The following TLL1 variants were observed in gnomAD, a reference collection of about 807,000 sequenced individuals.
TLL1 encodes tolloid-like protein 1.
TLL1 carries 49 observed loss-of-function variants against 128.2 expected under a neutral mutation model. The ratio of observed to expected loss-of-function variants is 0.38; its 90% CI spans 0.30 to 0.48. TLL1 has a LOEUF of 0.48. Ranked by LOEUF, TLL1 falls within the 20% of genes least tolerant of loss-of-function variation. The pLI, the probability that TLL1 is intolerant of heterozygous loss-of-function variation, is 0.96. For missense variants in TLL1, 1,123 were observed against 1,242.0 expected (o/e 0.90, Z 1.44); for synonymous variants, 454 against 418.8 (o/e 1.08, Z -1.03).
intron 1 of TLL1, among the ~76,000 whole-genome samples, chr4:165,966,083 G>A (rs1034483644): frequency 6.6e-6 from 1 of 151,668 alleles, no homozygotes; most frequent in South Asian, 2.1e-4. Context: ...GGAGGCTGAG[G>A]CAGAGAACTG....
At position 166,060,116 on chromosome 4, in the gene TLL1, G is replaced by A; in HGVS notation, c.1935G>A (p.Val645=). Residue 645 remains valine, a synonymous_variant, in exon 15 of 21, where the codon GTG becomes GTA. Coordinates refer to ENST00000061240, the MANE Select transcript of TLL1 (RefSeq NM_012464.5). ...PKEYPPNKNC[V]WQVVAPTQYR... Reference sequence around the variant, plus strand: ...AGTACCCTCCTAATAAGAACTGTGTGTGGCAAGTGGTTGCACCAACCCAGT... The same window carrying A: ...AGTACCCTCCTAATAAGAACTGTGTATGGCAAGTGGTTGCACCAACCCAGT... 2 of 1,613,862 alleles carry A rather than the reference G, an allele frequency of 1.2e-6. No homozygotes were observed. Among genetic ancestry groups the A allele is most frequent in the Non-Finnish European group, 1.7e-6 (2 of 1,179,900 alleles).
intron 12 of TLL1, among the ~76,000 whole-genome samples, chr4:166,054,536 G>C (rs1027821351): frequency 1.3e-5 from 2 of 151,074 alleles, no homozygotes; most frequent in Non-Finnish European, 2.9e-5. Flanking sequence ...TCTAGCATTA[G>C]GTATATCTCC....
intron 7 of TLL1, among the ~76,000 whole-genome samples, chr4:166,008,908 T>A (rs532094772): frequency 2.1e-4 from 32 of 151,580 alleles, no homozygotes; most frequent in Admixed American, 1.2e-3. Flanking sequence ...AAGCTGCTTT[T>A]ATAAAACTTT....
At chr4:166,073,664 A>G (rs1318979973) in intron 16 of TLL1, among the ~76,000 whole-genome samples, 6 of 152,192 alleles carry the variant, frequency 3.9e-5, no homozygotes, top group Admixed American at 6.6e-5. Flanking sequence ...ATGCATTCAT[A>G]TCACCTGTAA....
chr4:165,986,255 TATAA>T (rs1736389778), intron 1 of TLL1, among the ~76,000 whole-genome samples: 1 of 152,076 alleles, frequency 6.6e-6, no homozygotes, highest in Non-Finnish European at 1.5e-5. Flanking sequence ...TACATATGAG[TATAA>T]ATTGTCATGG....
intron 18 of TLL1, among the ~76,000 whole-genome samples, chr4:166,083,818 T>C (rs983451483): frequency 6.6e-6 from 1 of 152,192 alleles, no homozygotes; most frequent in Non-Finnish European, 1.5e-5. Flanking sequence ...TTCCGTATCT[T>C]GGCTATTGTG....
chr4:165,886,121 G>A (rs1731154861), intron 1 of TLL1, among the ~76,000 whole-genome samples: 1 of 152,034 alleles, frequency 6.6e-6, no homozygotes, highest in Non-Finnish European at 1.5e-5. Flanking sequence ...ATAATAGTAA[G>A]AAGGAAGTCC....
At position 166,055,164 on chromosome 4, in the gene TLL1, G is replaced by A. The variant is rs777181814; in HGVS notation, c.1613G>A (p.Gly538Asp). ...AGCCCTTTGATAGGGCGTTTCTGTGGTTATGACAAACCTGAAGACATAAGA... is the reference window on the plus strand; with the variant it reads ...AGCCCTTTGATAGGGCGTTTCTGTGATTATGACAAACCTGAAGACATAAGA... ...ENSPLIGRFC[G>D]YDKPEDIRST... The change falls in exon 13 of 21, where the codon GGT becomes GAT. Residue 538 changes from glycine to aspartate, a missense_variant. Coordinates refer to ENST00000061240, the MANE Select transcript of TLL1 (RefSeq NM_012464.5). 6.2e-7 allele frequency: 1 copy of A among 1,613,556 alleles called. No individual in the cohort carries two copies. Among genetic ancestry groups the A allele is most frequent in the Non-Finnish European group, 8.5e-7 (1 of 1,179,742 alleles).
Position 166,101,513 on chromosome 4 carries a change from T to C in TLL1, c.*637T>C, listed in dbSNP as rs755376419. ...TTGAGACCACTTTAGTGTACTTACA[T>C]TTAGATGAGTTTGAAATCTCAATGG... On this transcript the variant is annotated 3_prime_UTR_variant, in exon 21 of 21. Transcript: ENST00000061240. 3 of 152,522 alleles carry C rather than the reference T, an allele frequency of 2.0e-5. No individual in the cohort carries two copies. Among genetic ancestry groups the C allele is most frequent in the Non-Finnish European group, 4.4e-5 (3 of 68,324 alleles). 9.4% of individuals were successfully genotyped at this position (152,522 alleles called of 1,614,324 possible).
intron 17 of TLL1, among the ~76,000 whole-genome samples, chr4:166,075,338 G>A (rs1455571216): frequency 1.3e-5 from 2 of 152,148 alleles, no homozygotes; most frequent in Non-Finnish European, 2.9e-5. Context: ...TCTGCTAAAT[G>A]TTTTGCATTT....
rs141146326 is a variant in TLL1 at position 166,014,437 on chromosome 4, G to A, written c.919G>A (p.Gly307Arg). 2 of 1,611,800 alleles carry A rather than the reference G, an allele frequency of 1.2e-6. No individual in the cohort carries two copies. Among genetic ancestry groups the A allele is most frequent in the Non-Finnish European group, 1.7e-6 (2 of 1,178,438 alleles). The change falls in exon 8 of 21, where the codon GGG becomes AGG. Residue 307 changes from glycine (G) to arginine (R), a missense_variant and splice_region_variant. Gly to Arg is a moderately radical substitution (Grantham distance 125, BLOSUM62 -2). Coordinates refer to ENST00000061240, the MANE Select transcript of TLL1 (RefSeq NM_012464.5). ...TGGTTTGCTTCTGCTTTTTTTCAGG[G>A]GGATGTTTCTGGATACCATTCTCCC... ...MHYARNTFSRGMFLDTILPSR... is the reference protein window; with the variant it reads ...MHYARNTFSRRMFLDTILPSR...
At position 166,003,552 on chromosome 4, in the gene TLL1, G is replaced by T; in HGVS notation, c.794G>T (p.Arg265Ile). Residue 265 changes from arginine to isoleucine, a missense_variant, in exon 6 of 21, where the codon AGA becomes ATA. By Grantham distance (97) the Arg-to-Ile change is moderately conservative (BLOSUM62 -3). This residue lies in a region of TLL1 where 480 missense variants were observed against 542.4 expected (regional missense o/e 0.89). Transcript: ENST00000061240. ...PDRDNHVTII[R>I]ENIQPGQEYN... ...CGAGATAACCACGTAACTATCATAA[G>T]AGAAAACATCCAGCCAGGTGAGAGG... 6.2e-7 allele frequency: 1 copy of T among 1,613,936 alleles called. No homozygotes were observed. Among genetic ancestry groups the T allele is most frequent in the South Asian group, 1.1e-5 (1 of 91,062 alleles).
intron 1 of TLL1, among the ~76,000 whole-genome samples, chr4:165,908,166 T>C (rs1387420616): frequency 6.6e-6 from 1 of 152,254 alleles, no homozygotes; most frequent in African/African-American, 2.4e-5. Context: ...GTTATTCTCA[T>C]TTTAAAAATA....
intron 1 of TLL1, among the ~76,000 whole-genome samples, chr4:165,911,197 C>T (rs34531079): frequency 0.19 from 28,232 of 152,102 alleles, 3,421 homozygotes; most frequent in East Asian, 0.41. Flanking sequence ...CTCACACCCA[C>T]GTTCTTCCCA....
At chr4:166,017,556 CAG>C in intron 8 of TLL1, among the ~76,000 whole-genome samples, 1 of 152,264 alleles carries the variant, frequency 6.6e-6, no homozygotes, top group East Asian at 1.9e-4. Context: ...TTCCTAACAA[CAG>C]TGTGTAAGCA....
chr4:165,978,844 A>G (rs1490260339), intron 1 of TLL1, among the ~76,000 whole-genome samples: 2 of 152,208 alleles, frequency 1.3e-5, no homozygotes, highest in Non-Finnish European at 2.9e-5. Context: ...CCTGCCCATC[A>G]GAAACCTAGT....
intron 18 of TLL1, among the ~76,000 whole-genome samples, chr4:166,087,409 T>C (rs1032242564): frequency 1.3e-5 from 2 of 152,168 alleles, no homozygotes; most frequent in African/African-American, 4.8e-5. Context: ...ATCAGGAGAC[T>C]GAGGTTTGTA....
At chr4:166,015,483 GTTTA>G (rs1303637296) in intron 8 of TLL1, among the ~76,000 whole-genome samples, 2 of 151,920 alleles carry the variant, frequency 1.3e-5, no homozygotes, top group East Asian at 1.9e-4. Flanking sequence ...AATTGGTTAT[GTTTA>G]TTTATATATT....
chr4:165,940,173 T>C (rs1733943373), intron 1 of TLL1, among the ~76,000 whole-genome samples: 1 of 152,064 alleles, frequency 6.6e-6, no homozygotes, highest in Non-Finnish European at 1.5e-5. Context: ...ATGTTTTTTT[T>C]CTGTTTTCAT....
Sources: allele counts gnomAD v4.1 joint callset (sites outside exome capture counted in the v4.1 genomes callset), GRCh38; gene constraint gnomAD v4.1.1; regional missense constraint gnomAD v4.1.1; transcripts MANE v1.5; gene names NCBI Gene and HGNC (gene_info 2026-07-23, HGNC 2026-07-21).